The following CDH13 variants were observed in gnomAD, a reference collection of about 807,000 sequenced individuals.
CDH13 encodes cadherin-13.
In CDH13, 24 loss-of-function variants were observed where a neutral mutation model predicts 63.8. The observed-to-expected ratio is 0.38, with a 90% CI of 0.27 to 0.53. The LOEUF (loss-of-function observed/expected upper bound fraction) is 0.53. CDH13 is among the 20% of genes least tolerant of loss of function. The pLI, the probability that CDH13 is intolerant of heterozygous loss-of-function variation, is 0.85. For synonymous variants in CDH13, 503 were observed against 355.3 expected (o/e 1.42, Z -4.67); for missense variants, 1,049 against 903.1 (o/e 1.16, Z -2.07).
intron 5 of CDH13, among the ~76,000 whole-genome samples, chr16:83,238,596 A>G (rs185933456): frequency 1.2e-3 from 181 of 152,286 alleles, no homozygotes; most frequent in Non-Finnish European, 2.1e-3. Context: ...TTCTATGTCC[A>G]TAGTGGTCTT....
chr16:83,779,223 A>C (rs1915333832), intron 11 of CDH13, among the ~76,000 whole-genome samples: 1 of 151,730 alleles, frequency 6.6e-6, no homozygotes, highest in East Asian at 1.9e-4. Flanking sequence ...TGGCCAACAT[A>C]GCGAAACCCC....
At chr16:83,518,636 C>A (rs1422749962) in intron 7 of CDH13, among the ~76,000 whole-genome samples, 1 of 148,538 alleles carries the variant, frequency 6.7e-6, no homozygotes, top group Non-Finnish European at 1.5e-5. Flanking sequence ...CTACACCCGG[C>A]TAATTTTTGT....
intron 3 of CDH13, among the ~76,000 whole-genome samples, chr16:83,061,879 C>T (rs1376491237): frequency 1.3e-5 from 2 of 152,148 alleles, no homozygotes; most frequent in Non-Finnish European, 2.9e-5. Flanking sequence ...AATGTCAGCC[C>T]TGAGATGTCA....
At chr16:83,055,553 C>T (rs1188717819) in intron 3 of CDH13, among the ~76,000 whole-genome samples, 1 of 150,304 alleles carries the variant, frequency 6.7e-6, no homozygotes, top group East Asian at 1.9e-4. Flanking sequence ...TGTACCAAAG[C>T]ATACCAAAAA....
chr16:82,828,200 G>A (rs920723319), intron 1 of CDH13, among the ~76,000 whole-genome samples: 3 of 152,298 alleles, frequency 2.0e-5, no homozygotes, highest in African/African-American at 4.8e-5. Flanking sequence ...GAGGGCAAGG[G>A]TTAGAGAAAA....
chr16:83,049,477 G>C (rs867144710), intron 3 of CDH13, among the ~76,000 whole-genome samples: 1 of 151,832 alleles, frequency 6.6e-6, no homozygotes, highest in Non-Finnish European at 1.5e-5. Context: ...TGGGACTACA[G>C]GTGCCCACCA....
At chr16:83,753,468 C>T (rs1398822666) in intron 11 of CDH13, among the ~76,000 whole-genome samples, 1 of 152,104 alleles carries the variant, frequency 6.6e-6, no homozygotes, top group Non-Finnish European at 1.5e-5. Flanking sequence ...TCACCTGAAC[C>T]CAGGTAGGTC....
At chr16:82,769,178 T>C (rs920524345) in intron 1 of CDH13, among the ~76,000 whole-genome samples, 1 of 152,216 alleles carries the variant, frequency 6.6e-6, no homozygotes, top group Non-Finnish European at 1.5e-5. Flanking sequence ...TCATATTTAA[T>C]TAACCCAACA....
At chr16:83,291,594 T>C (rs1225289785) in intron 5 of CDH13, among the ~76,000 whole-genome samples, 2 of 152,146 alleles carry the variant, frequency 1.3e-5, no homozygotes, top group Non-Finnish European at 2.9e-5. Flanking sequence ...AGAATTTTAG[T>C]AGATTTATTT....
At chr16:82,876,609 G>A (rs1366343108) in intron 2 of CDH13, among the ~76,000 whole-genome samples, 1 of 152,312 alleles carries the variant, frequency 6.6e-6, no homozygotes, top group Middle Eastern at 3.4e-3. Flanking sequence ...ACAAGAGGTT[G>A]GGCATTGGTC....
At chr16:83,196,303 C>T (rs1567497507) in intron 4 of CDH13, among the ~76,000 whole-genome samples, 1 of 151,876 alleles carries the variant, frequency 6.6e-6, no homozygotes, top group Non-Finnish European at 1.5e-5. Flanking sequence ...CAAAGTGGAT[C>T]ACAGATATAA....
intron 7 of CDH13, among the ~76,000 whole-genome samples, chr16:83,508,138 A>AGGGGC (rs1427523705): frequency 1.1e-4 from 1 of 9,164 alleles, no homozygotes; most frequent in Admixed American, 1.5e-3. Flanking sequence ...AGGAAAGGGA[A>AGGGGC]GGGGAGGGGA....
intron 5 of CDH13, among the ~76,000 whole-genome samples, chr16:83,317,768 C>G (rs573744549): frequency 2.8e-4 from 43 of 151,926 alleles, no homozygotes; most frequent in African/African-American, 8.2e-4. Context: ...CCATTGCACT[C>G]CAGCCTCAGT....
At chr16:82,689,221 C>G (rs1300925365) in intron 1 of CDH13, among the ~76,000 whole-genome samples, 3 of 149,842 alleles carry the variant, frequency 2.0e-5, no homozygotes, top group Non-Finnish European at 4.4e-5. Flanking sequence ...GTTGACATTA[C>G]TTGGTAGGAT....
chr16:83,454,121 A>G (rs1283130257), intron 6 of CDH13, among the ~76,000 whole-genome samples: 1 of 152,254 alleles, frequency 6.6e-6, no homozygotes, highest in African/African-American at 2.4e-5. Flanking sequence ...AGATTCTCCA[A>G]AAGAAGCCTC....
intron 8 of CDH13, among the ~76,000 whole-genome samples, chr16:83,603,637 C>T (rs982397702): frequency 2.0e-5 from 3 of 152,126 alleles, no homozygotes; most frequent in Non-Finnish European, 2.9e-5. Context: ...TATATAGGGA[C>T]CTGCAGTTGC....
intron 4 of CDH13, among the ~76,000 whole-genome samples, chr16:83,216,410 AT>A (rs2039517539): frequency 3.9e-5 from 2 of 51,708 alleles, no homozygotes; most frequent in East Asian, 1.0e-3. Context: ...ATATATATAT[AT>A]ATATATATAT....
chr16:82,787,093 T>C (rs2151127333), intron 1 of CDH13, among the ~76,000 whole-genome samples: 1 of 152,332 alleles, frequency 6.6e-6, no homozygotes, highest in Admixed American at 6.5e-5. Context: ...AATACTATTT[T>C]ATCTCATAAG....
rs2038699783 is a variant in CDH13, at chr16:83,191,468, T to TAG, written c.484-25876_484-25875insGA. ...ACAGAACTAATAGGAAATATATATA[T>TAG]ATATATATATATATATATATGCACA... On this transcript the variant is annotated intron_variant, in intron 4 of 13. Transcript: ENST00000567109. Among the ~76,000 whole-genome samples, 36 of 117,956 alleles carry TAG rather than the reference T, an allele frequency of 3.1e-4. No homozygotes were observed. In the South Asian group the frequency reaches 9.1e-3, roughly 30 times the overall value. 77.4% of individuals were successfully genotyped at this position (117,956 alleles called of 152,430 possible). A position where few individuals can be genotyped will look rare whatever the true frequency, so the allele number is the denominator to read the frequency against.
Sources: gnomAD v4.1 joint callset for allele counts (sites outside exome capture counted in the v4.1 genomes callset) on GRCh38, gnomAD v4.1.1 for gene constraint, MANE v1.5 for transcripts, NCBI Gene and HGNC (gene_info 2026-07-23, HGNC 2026-07-21) for gene names.